Variants in CHD9 observed in about 807,000 individuals in gnomAD.
The protein encoded by CHD9 is chromodomain helicase DNA binding protein 9.
A neutral mutation model predicts 316.1 loss-of-function variants in CHD9; 77 were observed. The ratio of observed to expected loss-of-function variants is 0.24; its 90% CI spans 0.20 to 0.29. The LOEUF is 0.29. Among genes scored for constraint, CHD9 ranks in the 10% least tolerant of loss-of-function variants. The probability of loss-of-function intolerance (pLI) is 1.00; values close to 1 mark genes in which losing one functional copy is unlikely to be tolerated. For synonymous variants in CHD9, 1,129 were observed against 1,158.3 expected (o/e 0.97, Z 0.51); for missense variants, 2,763 against 3,438.1 (o/e 0.80, Z 4.91).
At chr16:53,291,797 T>G (rs373134465) in intron 28 of CHD9, 30 bp downstream of exon 28, 14 of 1,317,178 alleles carry the variant, frequency 1.1e-5, no homozygotes, top group Middle Eastern at 1.9e-4. Flanking sequence ...GTACTTAGTA[T>G]TATTGTAAAT....
chr16:53,102,056 G>A (rs753402794), intron 1 of CHD9, among the ~76,000 whole-genome samples: 12 of 152,080 alleles, frequency 7.9e-5, no homozygotes, highest in Non-Finnish European at 1.3e-4. Context: ...CATACTTCAG[G>A]GCTATTAAGT....
intron 34 of CHD9, among the ~76,000 whole-genome samples, chr16:53,309,823 T>G (rs2056310279): frequency 6.6e-6 from 1 of 152,068 alleles, no homozygotes; most frequent in Admixed American, 6.5e-5. Context: ...AAGTGTGATG[T>G]CAAGAATTGA....
intron 1 of CHD9, among the ~76,000 whole-genome samples, chr16:53,108,730 C>T (rs1453080532): frequency 1.3e-5 from 2 of 151,612 alleles, no homozygotes; most frequent in Admixed American, 1.3e-4. Context: ...CAAAAATTAG[C>T]CAGGCATGGT....
At chr16:53,056,117 C>G (rs2032079357) in intron 1 of CHD9, among the ~76,000 whole-genome samples, 1 of 152,196 alleles carries the variant, frequency 6.6e-6, no homozygotes, top group Non-Finnish European at 1.5e-5. Flanking sequence ...TCTCAAACTC[C>G]TAGGCTCAAG....
rs553431442 is a variant in CHD9 at position 53,195,763 on chromosome 16, CT to C, written c.1453-13702del. On this transcript the variant is annotated intron_variant, in intron 2 of 38. Coordinates refer to ENST00000447540, the MANE Select transcript of CHD9 (RefSeq NM_001308319.2). ...ATAAAACAGAGAGATTCAATGTATG[CT>C]TTTTTTTTTTTTTTTTGAGATAGGG... Among the ~76,000 whole-genome samples, 981 of 125,624 alleles carry C rather than the reference CT, an allele frequency of 7.8e-3. 4 individuals carry two copies. The highest frequency in any genetic ancestry group is 0.016 in the African/African-American group (546 of 33,900). The allele number at this position is 125,624 out of a possible 152,430, so 82.4% of individuals were successfully genotyped here.
intron 2 of CHD9, among the ~76,000 whole-genome samples, chr16:53,180,707 C>T (rs1334328303): frequency 1.3e-5 from 2 of 151,978 alleles, no homozygotes; most frequent in African/African-American, 4.8e-5. Flanking sequence ...CAGTCTCGCT[C>T]TGTCGCCCAG....
At chr16:53,095,821 G>A (rs2036329555) in intron 1 of CHD9, among the ~76,000 whole-genome samples, 1 of 152,058 alleles carries the variant, frequency 6.6e-6, no homozygotes, top group African/African-American at 2.4e-5. Flanking sequence ...TGTCTCCAGG[G>A]AAACAATGTG....
chr16:53,320,213 AAAAG>A (rs1354934458), intron 37 of CHD9, among the ~76,000 whole-genome samples: 1 of 151,082 alleles, frequency 6.6e-6, no homozygotes, highest in Non-Finnish European at 1.5e-5. Flanking sequence ...AAAAAAAAAA[AAAAG>A]AAATACCATG....
chr16:53,306,981 T>C (rs765211398), intron 32 of CHD9, among the ~76,000 whole-genome samples: 1 of 152,056 alleles, frequency 6.6e-6, no homozygotes, highest in Non-Finnish European at 1.5e-5. Flanking sequence ...GGTTTCACCA[T>C]GTCGGCCAGG....
chr16:53,116,351 TGCCTG>T (rs1414286619), intron 1 of CHD9, among the ~76,000 whole-genome samples: 4 of 152,322 alleles, frequency 2.6e-5, no homozygotes, highest in Admixed American at 6.5e-5. Context: ...TGAGCCACCA[TGCCTG>T]GCCTGACATT....
intron 19 of CHD9, among the ~76,000 whole-genome samples, chr16:53,258,816 G>T (rs1209514084): frequency 6.6e-6 from 1 of 152,008 alleles, no homozygotes; most frequent in Admixed American, 6.6e-5. Flanking sequence ...GCAGCCAGGT[G>T]GGTCCTAGAA....
chr16:53,238,309 A>G (rs755367424), intron 11 of CHD9, 34 bp from the exon 12 acceptor site: 185 of 1,551,042 alleles, frequency 1.2e-4, no homozygotes, highest in East Asian at 2.1e-4. Flanking sequence ...AAAAAACCCA[A>G]TGTATGCATG....
chr16:53,256,778 C>T (rs2050647186), intron 19 of CHD9, among the ~76,000 whole-genome samples: 2 of 151,944 alleles, frequency 1.3e-5, no homozygotes, highest in Non-Finnish European at 2.9e-5. Context: ...CTCTTTTCCA[C>T]TGAACTTCCT....
intron 1 of CHD9, among the ~76,000 whole-genome samples, chr16:53,139,110 AAGAAG>A (rs1174449789): frequency 6.6e-6 from 1 of 151,768 alleles, no homozygotes; most frequent in African/African-American, 2.4e-5. Flanking sequence ...AGCTAGAAGA[AAGAAG>A]AGATAGATAC....
At chr16:53,256,089 G>A (rs557752025) in intron 19 of CHD9, among the ~76,000 whole-genome samples, 1 of 152,278 alleles carries the variant, frequency 6.6e-6, no homozygotes, top group South Asian at 2.1e-4. Flanking sequence ...TGTAAGTAAT[G>A]TAAGAGGTTA....
rs1332159842 is a variant in CHD9, at chr16:53,254,604, G to T, written c.4028G>T (p.Gly1343Val). Residue 1343 changes from glycine to valine, a missense_variant and splice_region_variant, in exon 18 of 39, where the codon GGT becomes GTT. Gly to Val is a moderately radical substitution (Grantham distance 109, BLOSUM62 -3). Coordinates refer to ENST00000447540, the MANE Select transcript of CHD9 (RefSeq NM_001308319.2). Reference protein sequence around the residue: ...SMSGRESNVGGIQQLSKKEIE... With the variant: ...SMSGRESNVGVIQQLSKKEIE... Reference sequence around the variant, plus strand: ...AGTGGAAGAGAAAGTAATGTTGGTGGTGTATGTATAGTTTCTTTTTCACTT... The same window carrying T: ...AGTGGAAGAGAAAGTAATGTTGGTGTTGTATGTATAGTTTCTTTTTCACTT... The T allele has an allele frequency of 1.9e-6, 3 of 1,595,462 alleles. No individual in the cohort carries two copies. Among genetic ancestry groups the T allele is most frequent in the Non-Finnish European group, 2.6e-6 (3 of 1,168,266 alleles).
chr16:53,291,559 G>T (rs1326056741), intron 27 of CHD9, among the ~76,000 whole-genome samples, 166 bp from the exon 28 acceptor site: 1 of 152,202 alleles, frequency 6.6e-6, no homozygotes, highest in Non-Finnish European at 1.5e-5. Context: ...GAAAGGATGA[G>T]AATTGAGAAT....
chr16:53,240,371 T>G (rs373280951), intron 12 of CHD9, among the ~76,000 whole-genome samples: 8 of 152,178 alleles, frequency 5.3e-5, no homozygotes, highest in African/African-American at 1.7e-4. Context: ...ATGTGTCACA[T>G]GAGTTTGGCA....
rs1185337612 is a variant in CHD9, at chr16:53,319,735, T to C, written c.7713+1395T>C. 5.4e-6 allele frequency: 4 copies of C among 738,434 alleles called. No homozygotes were observed. In the East Asian group the frequency reaches 3.2e-4, roughly 59 times the overall value. The allele number at this position is 738,434 out of a possible 1,614,324, so 45.7% of individuals were successfully genotyped here. A position where few individuals can be genotyped will look rare whatever the true frequency, so the allele number is the denominator to read the frequency against. ...AAACATTCTAAATTTTATTTTTAAT[T>C]ATTGTAACTTCATGAGAGGTTTGTT... On this transcript the variant is annotated intron_variant, in intron 37 of 38. Transcript: ENST00000447540.
Sources: gnomAD v4.1 joint callset for allele counts (sites outside exome capture counted in the v4.1 genomes callset) on GRCh38, gnomAD v4.1.1 for gene constraint, MANE v1.5 for transcripts, NCBI Gene and HGNC (gene_info 2026-07-23, HGNC 2026-07-21) for gene names.